The following WWOX variants were observed in gnomAD, a reference collection of about 807,000 sequenced individuals.
The protein encoded by WWOX is WW domain containing oxidoreductase.
In WWOX, 69 loss-of-function variants were observed where a neutral mutation model predicts 46.2. That is an observed-to-expected ratio of 1.49 (90% CI 1.23 to 1.82). The LOEUF (loss-of-function observed/expected upper bound fraction) is 1.82. Ranked by LOEUF, WWOX falls within the 40% of genes most tolerant of loss-of-function variation. The pLI, the probability that WWOX is intolerant of heterozygous loss-of-function variation, is 0.00. For synonymous variants in WWOX, 359 were observed against 202.6 expected, an observed-to-expected ratio of 1.77 and a Z score of -6.56; for missense variants, 919 against 542.6, an observed-to-expected ratio of 1.69 and a Z score of -6.89.
intron 7 of WWOX, among the ~76,000 whole-genome samples, chr16:78,430,288 C>T (rs116976038): frequency 1.3e-5 from 2 of 152,158 alleles, no homozygotes; most frequent in African/African-American, 2.4e-5. Flanking sequence ...CTGCCCTTGA[C>T]ACATGGGGGT....
At chr16:78,199,550 C>T (rs2036166398) in intron 5 of WWOX, among the ~76,000 whole-genome samples, 1 of 152,122 alleles carries the variant, frequency 6.6e-6, no homozygotes, top group African/African-American at 2.4e-5. Flanking sequence ...CTCATGGGCT[C>T]TTCTCTTTTT....
chr16:79,195,435 T>C (rs2051220441), intron 8 of WWOX, among the ~76,000 whole-genome samples: 2 of 152,114 alleles, frequency 1.3e-5, no homozygotes, highest in African/African-American at 4.8e-5. Flanking sequence ...GTTGCTTTGG[T>C]AGGGAGCTCG....
At chr16:78,979,895 A>C (rs554667137) in intron 8 of WWOX, among the ~76,000 whole-genome samples, 1 of 152,280 alleles carries the variant, frequency 6.6e-6, no homozygotes, top group East Asian at 1.9e-4. Context: ...TTGGGAGGCC[A>C]AGGTGGGTGG....
At chr16:79,165,257 A>G (rs912054591) in intron 8 of WWOX, among the ~76,000 whole-genome samples, 1 of 152,112 alleles carries the variant, frequency 6.6e-6, no homozygotes, top group Non-Finnish European at 1.5e-5. Flanking sequence ...CCGGCATCCA[A>G]TGACCTTGCC....
chr16:78,800,937 G>A (rs1432254370), intron 8 of WWOX, among the ~76,000 whole-genome samples: 1 of 107,386 alleles, frequency 9.3e-6, no homozygotes, highest in Non-Finnish European at 2.1e-5. Flanking sequence ...CTCTCAAATG[G>A]AAGTTTCGAA....
chr16:78,502,279 A>C (rs1294439928), intron 8 of WWOX, among the ~76,000 whole-genome samples: 1 of 152,132 alleles, frequency 6.6e-6, no homozygotes, highest in Non-Finnish European at 1.5e-5. Context: ...CCACCATCAC[A>C]ATCAGTTTTA....
chr16:78,479,235 A>C (rs79212444), intron 8 of WWOX, among the ~76,000 whole-genome samples: 1,633 of 152,302 alleles, frequency 0.011, 30 homozygotes, highest in African/African-American at 0.038. Flanking sequence ...AATACCTACT[A>C]TGTGTCTGGC....
intron 5 of WWOX, among the ~76,000 whole-genome samples, chr16:78,234,720 C>A (rs1216728871): frequency 2.0e-5 from 3 of 151,694 alleles, no homozygotes; most frequent in Admixed American, 1.3e-4. Context: ...TGTTGGACTG[C>A]TTTTGGAAAA....
chr16:78,599,457 G>C (rs936464247), intron 8 of WWOX, among the ~76,000 whole-genome samples: 2 of 152,222 alleles, frequency 1.3e-5, no homozygotes, highest in African/African-American at 2.4e-5. Context: ...TGGCCTGTCA[G>C]TTCAATCAGG....
chr16:78,644,846 G>A (rs542743949), intron 8 of WWOX, among the ~76,000 whole-genome samples: 1 of 152,206 alleles, frequency 6.6e-6, no homozygotes, highest in East Asian at 1.9e-4. Flanking sequence ...GGTACAGCAG[G>A]AGAGCATGTA....
At chr16:79,071,014 C>T (rs1230467792) in intron 8 of WWOX, among the ~76,000 whole-genome samples, 5 of 152,172 alleles carry the variant, frequency 3.3e-5, no homozygotes, top group African/African-American at 4.8e-5. Context: ...GGAGTGTACT[C>T]TCGAGGGATG....
intron 8 of WWOX, among the ~76,000 whole-genome samples, chr16:78,994,666 C>G (rs1023832090): frequency 3.9e-5 from 6 of 152,092 alleles, no homozygotes; most frequent in Admixed American, 2.6e-4. Flanking sequence ...GAAGCCCAAT[C>G]GCGTCACACT....
chr16:78,795,398 G>C (rs1437541223), intron 8 of WWOX, among the ~76,000 whole-genome samples: 1 of 152,160 alleles, frequency 6.6e-6, no homozygotes, highest in Non-Finnish European at 1.5e-5. Context: ...GAATGAGTAG[G>C]ATGGAAAGGA....
intron 5 of WWOX, among the ~76,000 whole-genome samples, chr16:78,234,120 C>CTT (rs35461313): frequency 1.3e-5 from 2 of 149,464 alleles, no homozygotes; most frequent in Non-Finnish European, 3.0e-5. Context: ...AGTTCATATT[C>CTT]TTTTTTTTTT....
In WWOX at chr16:78,412,633, G is replaced by A. The variant is rs189955436; in HGVS notation, c.606-12237G>A. ...ATCACAGAAGCCAAGACAGGAAAGT[G>A]AGCCAGAAGTGAGGGAGGAGCAGGA... On this transcript the variant is annotated intron_variant, in intron 6 of 8. Transcript: ENST00000566780. Among the ~76,000 whole-genome samples the A allele has an allele frequency of 3.3e-5, 5 of 152,290 alleles. No individual in the cohort carries two copies. The East Asian group carries it at 9.6e-4, about 29-fold the overall frequency.
chr16:78,381,511 C>G (rs141595963), intron 5 of WWOX, among the ~76,000 whole-genome samples: 15 of 152,200 alleles, frequency 9.9e-5, no homozygotes, highest in Middle Eastern at 3.4e-3. Context: ...TTGCCTGATG[C>G]TTCACATGTG....
At chr16:78,630,547 C>G (rs2046404078) in intron 8 of WWOX, among the ~76,000 whole-genome samples, 1 of 152,196 alleles carries the variant, frequency 6.6e-6, no homozygotes, top group Admixed American at 6.5e-5. Context: ...TATATTTTCA[C>G]AGCTCATTTC....
At chr16:78,352,037 T>A (rs1277864139) in intron 5 of WWOX, among the ~76,000 whole-genome samples, 1 of 152,122 alleles carries the variant, frequency 6.6e-6, no homozygotes, top group East Asian at 1.9e-4. Context: ...TCCAGAGCTT[T>A]GGAGTCAGCG....
Position 78,999,918 on chromosome 16 carries a change from G to A in WWOX, c.1057-211690G>A, listed in dbSNP as rs181149168. Among the ~76,000 whole-genome samples, 16 of 152,154 alleles carry A rather than the reference G, an allele frequency of 1.1e-4. No individual in the cohort carries two copies. The South Asian group carries it at 1.7e-3, about 16-fold the overall frequency. ...AATGATTATAAAATGAAAATTCTAC[G>A]TCATGAGAAAGCATTGTGCCATATT... On this transcript the variant is annotated intron_variant, in intron 8 of 8. Transcript: ENST00000566780.
Sources: gnomAD v4.1 joint callset for allele counts (sites outside exome capture counted in the v4.1 genomes callset) on GRCh38, gnomAD v4.1.1 for gene constraint, MANE v1.5 for transcripts, NCBI Gene and HGNC (gene_info 2026-07-23, HGNC 2026-07-21) for gene names.